SIPA1L1: variants seen among roughly 807,000 people sequenced by gnomAD.
SIPA1L1 encodes signal-induced proliferation-associated 1-like protein 1.
In SIPA1L1, 26 loss-of-function variants were observed where a neutral mutation model predicts 162.7. The ratio of observed to expected loss-of-function variants is 0.16; its 90% confidence interval spans 0.12 to 0.22. SIPA1L1 has a LOEUF of 0.22. Ranked by LOEUF, SIPA1L1 falls within the 10% of genes least tolerant of loss-of-function variation. The pLI is 1.00. For synonymous variants in SIPA1L1, 829 were observed against 837.4 expected (o/e 0.99, Z 0.17); for missense variants, 1,874 against 2,241.0 (o/e 0.84, Z 3.31).
At chr14:71,509,744 C>CAA (rs200495533) in intron 2 of SIPA1L1, among the ~76,000 whole-genome samples, 164 of 113,744 alleles carry the variant, frequency 1.4e-3, no homozygotes, top group African/African-American at 2.8e-3. Context: ...AACTCCATCT[C>CAA]AAAAAAAAAA....
At chr14:71,695,345 G>A (rs1454028737) in intron 13 of SIPA1L1, among the ~76,000 whole-genome samples, 1 of 152,208 alleles carries the variant, frequency 6.6e-6, no homozygotes, top group Admixed American at 6.5e-5. Context: ...GCAAAAGAGG[G>A]ATGGGAATGA....
chr14:71,641,455 G>A (rs570323243), intron 7 of SIPA1L1, among the ~76,000 whole-genome samples: 23 of 152,318 alleles, frequency 1.5e-4, no homozygotes, highest in African/African-American at 3.8e-4. Context: ...GGGCGTGGTG[G>A]CTCATGCCTG....
intron 2 of SIPA1L1, among the ~76,000 whole-genome samples, chr14:71,443,909 G>C (rs2045129158): frequency 6.6e-6 from 1 of 152,206 alleles, no homozygotes. Flanking sequence ...CCTCTCCACA[G>C]GTCTGTGGAG....
chr14:71,335,455 C>G (rs933843429), intron 2 of SIPA1L1, among the ~76,000 whole-genome samples: 1 of 152,154 alleles, frequency 6.6e-6, no homozygotes, highest in Non-Finnish European at 1.5e-5. Context: ...CAGTGTGCGC[C>G]CATTGCAGGT....
intron 2 of SIPA1L1, among the ~76,000 whole-genome samples, chr14:71,418,941 C>T (rs1430866452): frequency 6.6e-6 from 1 of 152,130 alleles, no homozygotes; most frequent in East Asian, 1.9e-4. Context: ...CGTTGAATGT[C>T]CTTGGCTTGA....
chr14:71,404,091 A>G (rs1328899117), intron 2 of SIPA1L1, among the ~76,000 whole-genome samples: 1 of 151,030 alleles, frequency 6.6e-6, no homozygotes, highest in Non-Finnish European at 1.5e-5. Flanking sequence ...CCAGAAAGCT[A>G]AAAATTCTGT....
At chr14:71,470,962 C>T (rs1316913619) in intron 2 of SIPA1L1, among the ~76,000 whole-genome samples, 10 of 152,146 alleles carry the variant, frequency 6.6e-5, no homozygotes, top group South Asian at 2.1e-4. Context: ...CTCAGCCTCC[C>T]GAGTAGCTGG....
At chr14:71,391,057 A>G (rs1390897796) in intron 2 of SIPA1L1, among the ~76,000 whole-genome samples, 1 of 151,974 alleles carries the variant, frequency 6.6e-6, no homozygotes, top group African/African-American at 2.4e-5. Flanking sequence ...GAAAGGAAAT[A>G]GAAAAAAAAG....
intron 2 of SIPA1L1, among the ~76,000 whole-genome samples, chr14:71,361,130 T>C (rs987490246): frequency 6.6e-6 from 1 of 152,198 alleles, no homozygotes; most frequent in African/African-American, 2.4e-5. Flanking sequence ...TCTTAATCTT[T>C]TATGTAAATT....
intron 2 of SIPA1L1, among the ~76,000 whole-genome samples, chr14:71,468,439 C>T (rs61989373): frequency 0.16 from 24,815 of 152,098 alleles, 2,631 homozygotes; most frequent in Middle Eastern, 0.34. Context: ...AAGGCAAAGA[C>T]GGGGTGGTGG....
At chr14:71,422,406 C>T (rs571327000) in intron 2 of SIPA1L1, among the ~76,000 whole-genome samples, 2 of 152,224 alleles carry the variant, frequency 1.3e-5, no homozygotes, top group African/African-American at 4.8e-5. Context: ...CAGCTGTCAC[C>T]ACCATCCATC....
chr14:71,427,725 A>G (rs1226203357), intron 2 of SIPA1L1, among the ~76,000 whole-genome samples: 1 of 151,654 alleles, frequency 6.6e-6, no homozygotes, highest in Non-Finnish European at 1.5e-5. Context: ...TTTCATTTCT[A>G]TTGTGCATTT....
chr14:71,711,312 A>G (rs2082862184), intron 17 of SIPA1L1, among the ~76,000 whole-genome samples: 1 of 152,246 alleles, frequency 6.6e-6, no homozygotes, highest in Non-Finnish European at 1.5e-5. Flanking sequence ...CCATATAGAC[A>G]GAATCACACA....
At chr14:71,471,552 G>T (rs945796300) in intron 2 of SIPA1L1, among the ~76,000 whole-genome samples, 2 of 152,192 alleles carry the variant, frequency 1.3e-5, no homozygotes, top group Non-Finnish European at 1.5e-5. Context: ...ACAAGACAGG[G>T]TCCTTTCCCT....
chr14:71,471,915 T>A (rs1422348190), intron 2 of SIPA1L1, among the ~76,000 whole-genome samples: 1 of 152,252 alleles, frequency 6.6e-6, no homozygotes, highest in East Asian at 1.9e-4. Context: ...AGACCAGGCC[T>A]ACCTGACTCC....
At chr14:71,574,881 A>G (rs763151306) in intron 4 of SIPA1L1, 1 of 152,196 alleles carries the variant, frequency 6.6e-6, no homozygotes, top group Non-Finnish European at 1.5e-5. Context: ...TTAGATTAAA[A>G]ATAATTTTAT....
intron 2 of SIPA1L1, among the ~76,000 whole-genome samples, chr14:71,345,918 A>T (rs1392024936): frequency 6.9e-6 from 1 of 145,560 alleles, no homozygotes; most frequent in East Asian, 2.1e-4. Context: ...ATAATTTATT[A>T]TTATTATTTT....
At chr14:71,447,265 A>G (rs2045479539) in intron 2 of SIPA1L1, among the ~76,000 whole-genome samples, 1 of 152,104 alleles carries the variant, frequency 6.6e-6, no homozygotes, top group South Asian at 2.1e-4. Flanking sequence ...TGTAGGATAT[A>G]ATAAAGAACA....
intron 13 of SIPA1L1, among the ~76,000 whole-genome samples, chr14:71,695,455 A>G (rs1269505119): frequency 6.6e-6 from 1 of 152,242 alleles, no homozygotes; most frequent in Non-Finnish European, 1.5e-5. Context: ...GCTGAGGTTG[A>G]GAACTAGCCT....
Sources: allele counts gnomAD v4.1 joint callset (sites outside exome capture counted in the v4.1 genomes callset), GRCh38; gene constraint gnomAD v4.1.1; transcripts MANE v1.5; gene names NCBI Gene and HGNC (gene_info 2026-07-23, HGNC 2026-07-21).